Variants in ZNF276 observed in about 807,000 individuals in gnomAD.
ZNF276 encodes centromere protein Z.
In ZNF276, 59 loss-of-function variants were observed where a neutral mutation model predicts 63.9. That is an observed-to-expected ratio of 0.92 (90% CI 0.75 to 1.15). ZNF276 has a LOEUF of 1.15. ZNF276 is among the 50% of genes most tolerant of loss of function. ZNF276 has a pLI of 0.00. For missense variants in ZNF276, 1,084 were observed against 843.8 expected, an observed-to-expected ratio of 1.28 and a Z score of -3.53; for synonymous variants, 496 against 348.4, an observed-to-expected ratio of 1.42 and a Z score of -4.72.
At chr16:89,733,852 C>T (rs1355165377) in intron 8 of ZNF276, 69 bp from the exon 9 acceptor site, 2 of 1,454,392 alleles carry the variant, frequency 1.4e-6, no homozygotes, top group Non-Finnish European at 1.9e-6. Flanking sequence ...TCAGCTGTCA[C>T]CTACTGAGGG....
rs1216251156 is a variant in ZNF276, at chr16:89,738,410, G to GA, written c.*165dup. Reference sequence around the variant, plus strand: ...CTCAAGTAGCCTTCCTCTGCTCTGGGACCAGTGGTTTATTTTCCCGCAAAC... The same window carrying GA: ...CTCAAGTAGCCTTCCTCTGCTCTGGGAACCAGTGGTTTATTTTCCCGCAAAC... On this transcript the variant is annotated 3_prime_UTR_variant, in exon 11 of 11. Transcript: ENST00000443381. 1 of 1,374,134 alleles carries GA rather than the reference G, an allele frequency of 7.3e-7. No homozygotes were observed. Among genetic ancestry groups the GA allele is most frequent in the East Asian group, 2.5e-5 (1 of 39,992 alleles). The allele number at this position is 1,374,134 out of a possible 1,614,324, so 85.1% of individuals were successfully genotyped here.
chr16:89,737,676 T>C, intron 9 of ZNF276, 130 bp from the exon 10 acceptor site: 4 of 1,527,212 alleles, frequency 2.6e-6, no homozygotes, highest in Non-Finnish European at 3.5e-6. Context: ...GGCCCCTTGC[T>C]TGGGCCCACT....
At position 89,738,986 on chromosome 16, in the gene ZNF276, A is replaced by G. The variant is rs756853923; in HGVS notation, c.*740A>G. On this transcript the variant is annotated 3_prime_UTR_variant, in exon 11 of 11. Coordinates refer to ENST00000443381, the MANE Select transcript of ZNF276 (RefSeq NM_001113525.2). ...TCCACGGGGTTGCCCTAGAGAGAAA[A>G]CAGGCAAACTCACAGGTTAGAAGAC... 6.2e-7 allele frequency: 1 copy of G among 1,614,180 alleles called. No individual in the cohort carries two copies. Among genetic ancestry groups the G allele is most frequent in the Non-Finnish European group, 8.5e-7 (1 of 1,180,028 alleles).
Position 89,738,104 on chromosome 16 carries a change from A to G in ZNF276, c.1703A>G (p.Asn568Ser), listed in dbSNP as rs888001596. ...GGCCGGCGGTTTGAGAAGGCCCACA[A>G]CCTCAATGTACACATGTCCATGGTG... ...QCGRRFEKAH[N>S]LNVHMSMVHP... The change falls in exon 11 of 11, where the codon AAC becomes AGC. Residue 568 changes from asparagine to serine, a missense_variant. Asn to Ser is a conservative substitution (Grantham distance 46, BLOSUM62 1). Transcript: ENST00000443381. 6.2e-6 allele frequency: 10 copies of G among 1,613,914 alleles called. No individual in the cohort carries two copies. Among genetic ancestry groups the G allele is most frequent in the African/African-American group, 1.3e-5 (1 of 75,036 alleles).
At position 89,737,822 on chromosome 16, in the gene ZNF276, C is replaced by T; in HGVS notation, c.1491C>T (p.Ile497=). 6.2e-7 allele frequency: 1 copy of T among 1,614,222 alleles called. No homozygotes were observed. The highest frequency in any genetic ancestry group is 8.5e-7 in the Non-Finnish European group (1 of 1,180,048). The change falls in exon 10 of 11, where the codon ATC becomes ATT. Residue 497 remains isoleucine (I), a synonymous_variant. Transcript: ENST00000443381. Reference sequence around the variant, plus strand: ...CCCTCTCAGAGGTGCGGAACTATATCTGTGACGAATGTGGACAAACCTTCA... The same window carrying T: ...CCCTCTCAGAGGTGCGGAACTATATTTGTGACGAATGTGGACAAACCTTCA... ...KLIHTEVRNY[I]CDECGQTFKQ...
chr16:89,722,179 G>A (rs1322475183), intron 1 of ZNF276, among the ~76,000 whole-genome samples: 1 of 152,236 alleles, frequency 6.6e-6, no homozygotes, highest in Admixed American at 6.5e-5. Flanking sequence ...CCGGAAAGGA[G>A]GCGGCACCTG....
chr16:89,738,333 G>A lies in ZNF276; in HGVS notation c.*87G>A, dbSNP rs1021626760. ...ACCCTTCGTGTGCACCCGCATGGGAGGGTCGGAGGGTGCTGCCCGCCCTTG... is the reference window on the plus strand; with the variant it reads ...ACCCTTCGTGTGCACCCGCATGGGAAGGTCGGAGGGTGCTGCCCGCCCTTG... On this transcript the variant is annotated 3_prime_UTR_variant, in exon 11 of 11. Transcript: ENST00000443381. The A allele has an allele frequency of 5.3e-6, 8 of 1,498,372 alleles. No homozygotes were observed. The highest frequency in any genetic ancestry group is 7.1e-6 in the Non-Finnish European group (8 of 1,124,034). 92.8% of individuals were successfully genotyped at this position (1,498,372 alleles called of 1,614,324 possible).
upstream of ZNF276, chr16:89,720,765 G>T: frequency 6.9e-7 from 1 of 1,448,720 alleles, no homozygotes; most frequent in Admixed American, 2.5e-5. Context: ...CGCCTCACCC[G>T]GGGCCGGTTG....
At chr16:89,734,880 C>A (rs567827469) in intron 9 of ZNF276, among the ~76,000 whole-genome samples, 2 of 152,118 alleles carry the variant, frequency 1.3e-5, no homozygotes, top group Non-Finnish European at 2.9e-5. Context: ...CAAACTTGGC[C>A]GGGCGTGGTG....
chr16:89,725,437 T>G (rs1306483416), intron 4 of ZNF276, among the ~76,000 whole-genome samples: 2 of 151,728 alleles, frequency 1.3e-5, no homozygotes, highest in Non-Finnish European at 2.9e-5. Context: ...TGCATCAGCC[T>G]CCCAGAATGC....
chr16:89,736,447 C>T (rs1567585495), intron 9 of ZNF276, among the ~76,000 whole-genome samples: 2 of 151,880 alleles, frequency 1.3e-5, no homozygotes, highest in Admixed American at 1.3e-4. Flanking sequence ...GCCTCAGCCT[C>T]CCGAGTAGCT....
In ZNF276 at chr16:89,739,431, T is replaced by A. The variant is rs1598052680; in HGVS notation, c.*1185T>A. On this transcript the variant is annotated 3_prime_UTR_variant, in exon 11 of 11. Coordinates refer to ENST00000443381, the MANE Select transcript of ZNF276 (RefSeq NM_001113525.2). Reference sequence around the variant, plus strand: ...GGACCCAGAGGTGCTGAGATGGGGGTCTGGGAAACACTGCCCAGCCCTGAC... The same window carrying A: ...GGACCCAGAGGTGCTGAGATGGGGGACTGGGAAACACTGCCCAGCCCTGAC... The A allele has an allele frequency of 1.3e-6, 2 of 1,552,470 alleles. No homozygotes were observed. The highest frequency in any genetic ancestry group is 1.7e-6 in the Non-Finnish European group (2 of 1,146,888).
upstream of ZNF276, chr16:89,720,427 G>T: frequency 9.7e-7 from 1 of 1,033,270 alleles, no homozygotes; most frequent in South Asian, 4.6e-5. Context: ...CCAGAAAAAT[G>T]CACGAACGCA....
intron 9 of ZNF276, among the ~76,000 whole-genome samples, chr16:89,734,990 C>A (rs1409737014): frequency 6.6e-6 from 1 of 152,096 alleles, no homozygotes; most frequent in Non-Finnish European, 1.5e-5. Context: ...AAAACCTGGT[C>A]TCTACTAAAA....
intron 5 of ZNF276, among the ~76,000 whole-genome samples, chr16:89,728,770 CAT>C (rs2061552944): frequency 6.6e-6 from 1 of 152,162 alleles, no homozygotes; most frequent in African/African-American, 2.4e-5. Context: ...CTCCTGACCT[CAT>C]GCGATCCACC....
At position 89,739,204 on chromosome 16, in the gene ZNF276, G is replaced by A. The variant is rs1336834251; in HGVS notation, c.*958G>A. 1.9e-6 allele frequency: 3 copies of A among 1,614,158 alleles called. No homozygotes were observed. The highest frequency in any genetic ancestry group is 1.7e-6 in the Non-Finnish European group (2 of 1,180,042). On this transcript the variant is annotated 3_prime_UTR_variant, in exon 11 of 11. Transcript: ENST00000443381. ...CTTGTATCCCCAGCCACGAAGAGCT[G>A]GACCAGCTTCAAGTACATGTCCACA...
chr16:89,738,812 G>C lies in ZNF276; in HGVS notation c.*566G>C. On this transcript the variant is annotated 3_prime_UTR_variant, in exon 11 of 11. Transcript: ENST00000443381. ...GTCGAGTTGTATTGCCAGCCAGGCA[G>C]GCACATGGCCCAGGCAGCTGTCAAT... The C allele has an allele frequency of 3.1e-6, 5 of 1,613,946 alleles. No homozygotes were observed. Among genetic ancestry groups the C allele is most frequent in the Non-Finnish European group, 4.2e-6 (5 of 1,179,964 alleles).
intron 7 of ZNF276, 21 bp from the exon 8 acceptor site, chr16:89,733,461 C>A: frequency 6.2e-7 from 1 of 1,614,172 alleles, no homozygotes; most frequent in Non-Finnish European, 8.5e-7. Context: ...GCCGGGGCTC[C>A]ATGCATGCTC....
chr16:89,723,915 C>T (rs1389010953), intron 4 of ZNF276, among the ~76,000 whole-genome samples: 2 of 152,256 alleles, frequency 1.3e-5, no homozygotes, highest in South Asian at 2.1e-4. Flanking sequence ...GCCTCTTGCT[C>T]CTCTGTGAGC....
Sources: allele counts gnomAD v4.1 joint callset (sites outside exome capture counted in the v4.1 genomes callset), GRCh38; gene constraint gnomAD v4.1.1; transcripts MANE v1.5; gene names NCBI Gene and HGNC (gene_info 2026-07-23, HGNC 2026-07-21).